Variants in EPHA6 observed in about 807,000 individuals in gnomAD.
EPHA6 encodes the protein ephrin type-A receptor 6.
A neutral mutation model predicts 112.0 loss-of-function variants in EPHA6; 50 were observed. That is an observed-to-expected ratio of 0.45 (90% CI 0.36 to 0.56). EPHA6 has a LOEUF of 0.56. Ranked by LOEUF, EPHA6 falls within the 20% of genes least tolerant of loss-of-function variation. EPHA6 has a pLI of 0.00. For missense variants in EPHA6, 1,280 were observed against 1,417.4 expected (o/e 0.90, Z 1.56); for synonymous variants, 529 against 490.7 (o/e 1.08, Z -1.03).
At chr3:96,880,654 A>G (rs1021969694) in intron 2 of EPHA6, among the ~76,000 whole-genome samples, 5 of 151,892 alleles carry the variant, frequency 3.3e-5, no homozygotes, top group African/African-American at 1.2e-4. Context: ...ATATTTCATC[A>G]CCCCATATCC....
At chr3:96,994,728 T>TAGAGAGAGAG (rs1455826302) in intron 3 of EPHA6, among the ~76,000 whole-genome samples, 24 of 78,822 alleles carry the variant, frequency 3.0e-4, no homozygotes, top group African/African-American at 8.4e-4. Context: ...TATATATATA[T>TAGAGAGAGAG]ATATAGAGAG....
At chr3:97,495,961 T>C (rs1039697241) in intron 10 of EPHA6, among the ~76,000 whole-genome samples, 1 of 152,164 alleles carries the variant, frequency 6.6e-6, no homozygotes, top group Non-Finnish European at 1.5e-5. Context: ...GTCAGTTTTT[T>C]CCCAGGTTTC....
intron 3 of EPHA6, among the ~76,000 whole-genome samples, chr3:96,997,758 T>G (rs1048176055): frequency 6.6e-5 from 10 of 152,044 alleles, no homozygotes; most frequent in African/African-American, 2.4e-4. Context: ...TGTAAAAGTT[T>G]GAAATATTGC....
rs538814932 is a variant in EPHA6 at position 97,640,790 on chromosome 3, A to C, written c.2784+2708A>C. ...AGTGAAACTCCATTTCAAAAAAAAAACAAAAGATATTATTGAAACAGTGTA... is the reference window on the plus strand; with the variant it reads ...AGTGAAACTCCATTTCAAAAAAAAACCAAAAGATATTATTGAAACAGTGTA... On this transcript the variant is annotated intron_variant, in intron 14 of 17. Transcript: ENST00000389672. Among the ~76,000 whole-genome samples, 9 of 152,194 alleles carry C rather than the reference A, an allele frequency of 5.9e-5. No individual in the cohort carries two copies. The East Asian group carries it at 1.4e-3, about 23-fold the overall frequency.
chr3:97,306,215 C>A (rs947098225), intron 5 of EPHA6, among the ~76,000 whole-genome samples: 34 of 150,988 alleles, frequency 2.3e-4, no homozygotes, highest in African/African-American at 7.5e-4. Flanking sequence ...TACAGAAAGA[C>A]AGTCAAACAC....
intron 6 of EPHA6, among the ~76,000 whole-genome samples, chr3:97,414,592 C>A (rs2087978619): frequency 6.6e-6 from 1 of 151,914 alleles, no homozygotes; most frequent in African/African-American, 2.4e-5. Flanking sequence ...ATCCTCATTC[C>A]TCAAGGGTAG....
chr3:97,314,052 T>G (rs1030702847), intron 5 of EPHA6, among the ~76,000 whole-genome samples: 5 of 151,646 alleles, frequency 3.3e-5, no homozygotes, highest in African/African-American at 1.2e-4. Context: ...GAGTTGAGTT[T>G]TTATATAATG....
intron 2 of EPHA6, among the ~76,000 whole-genome samples, chr3:96,979,175 A>C (rs1421412653): frequency 1.3e-5 from 2 of 151,948 alleles, no homozygotes; most frequent in Non-Finnish European, 2.9e-5. Context: ...CATCATTTAC[A>C]TTGGGTATAT....
chr3:97,418,313 C>T (rs1340040479), intron 6 of EPHA6, among the ~76,000 whole-genome samples: 2 of 151,760 alleles, frequency 1.3e-5, no homozygotes, highest in African/African-American at 4.8e-5. Context: ...GAACAGAGAG[C>T]ATACAATACT....
intron 3 of EPHA6, among the ~76,000 whole-genome samples, chr3:97,134,252 T>A (rs1193830693): frequency 6.6e-6 from 1 of 152,158 alleles, no homozygotes; most frequent in African/African-American, 2.4e-5. Flanking sequence ...TATATTTAGA[T>A]TGCTTCTTTC....
chr3:97,481,165 C>T (rs2091532583), intron 9 of EPHA6: 6 of 855,838 alleles, frequency 7.0e-6, no homozygotes, highest in Non-Finnish European at 1.2e-5. Flanking sequence ...GATCACGCCA[C>T]TGCACTCCAG....
chr3:97,532,247 C>A, intron 10 of EPHA6, 111 bp from the exon 11 acceptor site: 1 of 864,042 alleles, frequency 1.2e-6, no homozygotes, highest in Non-Finnish European at 1.7e-6. Flanking sequence ...ATGAAAATAA[C>A]ATACTTAAGA....
At chr3:97,274,056 C>A (rs1025140176) in intron 5 of EPHA6, among the ~76,000 whole-genome samples, 3 of 152,074 alleles carry the variant, frequency 2.0e-5, no homozygotes, top group African/African-American at 7.2e-5. Context: ...TCCTTGAGGA[C>A]AGATTTCCAC....
chr3:97,171,638 A>G (rs755402386), intron 3 of EPHA6, among the ~76,000 whole-genome samples: 6 of 152,124 alleles, frequency 3.9e-5, no homozygotes, highest in Non-Finnish European at 8.8e-5. Flanking sequence ...ATGATAGTAC[A>G]ATTACCAGAA....
intron 1 of EPHA6, among the ~76,000 whole-genome samples, chr3:96,847,299 A>T (rs575265735): frequency 6.6e-6 from 1 of 152,082 alleles, no homozygotes; most frequent in Non-Finnish European, 1.5e-5. Context: ...AGTAGTCAGT[A>T]ATTTCTTACA....
intron 5 of EPHA6, among the ~76,000 whole-genome samples, chr3:97,246,666 A>C (rs944614786): frequency 5.3e-5 from 8 of 151,660 alleles, no homozygotes; most frequent in African/African-American, 1.9e-4. Flanking sequence ...AAATATATTT[A>C]TATTTTATTT....
chr3:97,179,640 G>A (rs1310567871), intron 3 of EPHA6, among the ~76,000 whole-genome samples: 2 of 151,344 alleles, frequency 1.3e-5, no homozygotes, highest in Non-Finnish European at 2.9e-5. Context: ...TGATGATCTT[G>A]GACAAGGTCC....
intron 14 of EPHA6, among the ~76,000 whole-genome samples, chr3:97,696,185 A>C (rs1189237485): frequency 1.3e-5 from 2 of 152,174 alleles, no homozygotes; most frequent in Non-Finnish European, 2.9e-5. Flanking sequence ...CTCATGAGCT[A>C]GTCATTCTGT....
chr3:97,162,983 G>A (rs1170642144), intron 3 of EPHA6, among the ~76,000 whole-genome samples: 2 of 152,092 alleles, frequency 1.3e-5, no homozygotes, highest in African/African-American at 4.8e-5. Context: ...GTTGAGTGCT[G>A]TGTATCAGCC....
Sources: allele counts gnomAD v4.1 joint callset (sites outside exome capture counted in the v4.1 genomes callset), GRCh38; gene constraint gnomAD v4.1.1; transcripts MANE v1.5; gene names NCBI Gene and HGNC (gene_info 2026-07-23, HGNC 2026-07-21).